Variants in MIS18A observed in about 807,000 individuals in gnomAD.
MIS18A encodes protein Mis18-alpha.
MIS18A carries 14 observed loss-of-function variants against 25.0 expected under a neutral mutation model. The observed-to-expected ratio is 0.56, with a 90% CI of 0.37 to 0.88. The LOEUF (loss-of-function observed/expected upper bound fraction) is 0.88, where lower values mean the gene tolerates loss of function less well. Ranked by LOEUF, MIS18A falls within the 40% of genes least tolerant of loss-of-function variation. The pLI is 0.00. For missense variants in MIS18A, 292 were observed against 290.8 expected, an observed-to-expected ratio of 1.00 and a Z score of -0.03; for synonymous variants, 134 against 118.6, an observed-to-expected ratio of 1.13 and a Z score of -0.84.
At chr21:32,175,144 G>A in the MIS18A span, among the ~76,000 whole-genome samples, 1 of 152,168 alleles carries the variant, frequency 6.6e-6, no homozygotes, top group East Asian at 1.9e-4. Flanking sequence ...TTACCAGACT[G>A]AATATTTTAG....
the MIS18A span, among the ~76,000 whole-genome samples, chr21:32,262,518 GT>G: frequency 1.3e-5 from 2 of 152,198 alleles, no homozygotes; most frequent in African/African-American, 4.8e-5. Context: ...AAACGTGAAA[GT>G]GACGACATCC....
the MIS18A span, among the ~76,000 whole-genome samples, chr21:32,223,371 T>C: frequency 2.6e-5 from 4 of 151,714 alleles, no homozygotes; most frequent in African/African-American, 9.7e-5. Context: ...ACAAAATAGA[T>C]GGAACGCCAG....
chr21:32,198,513 A>C, the MIS18A span, among the ~76,000 whole-genome samples: 1 of 152,220 alleles, frequency 6.6e-6, no homozygotes, highest in Non-Finnish European at 1.5e-5. Context: ...GGCAGGGTCC[A>C]TGCTGCCACC....
chr21:32,169,436 A>G, the MIS18A span, among the ~76,000 whole-genome samples: 2 of 152,294 alleles, frequency 1.3e-5, no homozygotes, highest in East Asian at 3.9e-4. Context: ...TGGCAAAACT[A>G]GTTGGGCCAA....
the MIS18A span, among the ~76,000 whole-genome samples, chr21:32,183,892 A>T: frequency 6.6e-6 from 1 of 152,236 alleles, no homozygotes; most frequent in Non-Finnish European, 1.5e-5. Context: ...CGCAGACAAT[A>T]TCAAACATGT....
At chr21:32,173,346 G>A in the MIS18A span, among the ~76,000 whole-genome samples, 1 of 152,180 alleles carries the variant, frequency 6.6e-6, no homozygotes, top group Non-Finnish European at 1.5e-5. Flanking sequence ...ATGCTGGTAG[G>A]ATTATAAAAT....
chr21:32,218,192 C>CAAAAAAAAAAAAAAAAAAAAAAA, the MIS18A span, among the ~76,000 whole-genome samples: 1 of 56,374 alleles, frequency 1.8e-5, no homozygotes. Flanking sequence ...GACTCCATCT[C>CAAAAAAAAAAAAAAAAAAAAAAA]AAAAAAAAAA....
the MIS18A span, among the ~76,000 whole-genome samples, chr21:32,174,839 A>G: frequency 6.6e-6 from 1 of 152,242 alleles, no homozygotes; most frequent in African/African-American, 2.4e-5. Flanking sequence ...TCAAGGACAC[A>G]TAAGATATTT....
At chr21:32,243,662 C>G in the MIS18A span, among the ~76,000 whole-genome samples, 1 of 151,986 alleles carries the variant, frequency 6.6e-6, no homozygotes, top group Non-Finnish European at 1.5e-5. Flanking sequence ...AGGGGTTTAC[C>G]CAAGAGAAAT....
the MIS18A span, among the ~76,000 whole-genome samples, chr21:32,203,241 A>G: frequency 6.6e-6 from 1 of 152,046 alleles, no homozygotes; most frequent in Non-Finnish European, 1.5e-5. Context: ...CTCCAGAAAG[A>G]AGGAATAGAA....
chr21:32,250,638 T>C, the MIS18A span, among the ~76,000 whole-genome samples: 1 of 152,200 alleles, frequency 6.6e-6, no homozygotes, highest in African/African-American at 2.4e-5. Flanking sequence ...CATAGGTGGA[T>C]TGGACAGATG....
chr21:32,202,414 C>A, the MIS18A span, among the ~76,000 whole-genome samples: 11 of 152,214 alleles, frequency 7.2e-5, no homozygotes, highest in Admixed American at 1.3e-4. Flanking sequence ...GAAACAAGCA[C>A]AAGATGCTAT....
At chr21:32,210,396 C>T in the MIS18A span, among the ~76,000 whole-genome samples, 1 of 152,166 alleles carries the variant, frequency 6.6e-6, no homozygotes, top group African/African-American at 2.4e-5. Flanking sequence ...GATTTGCACA[C>T]TTGGATACCT....
At chr21:32,232,225 A>G in the MIS18A span, among the ~76,000 whole-genome samples, 2 of 152,088 alleles carry the variant, frequency 1.3e-5, no homozygotes, top group Non-Finnish European at 1.5e-5. Context: ...CTATATATTC[A>G]GATATAGAGA....
chr21:32,256,271 G>A, the MIS18A span, among the ~76,000 whole-genome samples: 6 of 152,090 alleles, frequency 3.9e-5, 1 homozygote, highest in South Asian at 4.1e-4. Flanking sequence ...CTGCCTCGAA[G>A]TCTTTTTAAT....
the MIS18A span, among the ~76,000 whole-genome samples, chr21:32,178,094 A>G: frequency 6.6e-6 from 1 of 151,838 alleles, no homozygotes; most frequent in Admixed American, 6.6e-5. Context: ...AATTTTGTTT[A>G]TTTTTTGGAG....
the MIS18A span, among the ~76,000 whole-genome samples, chr21:32,207,154 G>A: frequency 1.6e-4 from 25 of 152,104 alleles, no homozygotes; most frequent in African/African-American, 5.8e-4. Flanking sequence ...ACCAGAATAC[G>A]AGGCGTGTTC....
the MIS18A span, among the ~76,000 whole-genome samples, chr21:32,164,485 T>A: frequency 6.6e-6 from 1 of 152,142 alleles, no homozygotes; most frequent in Non-Finnish European, 1.5e-5. Flanking sequence ...ATATAGTGTG[T>A]TACCCCTGTA....
the MIS18A span, among the ~76,000 whole-genome samples, chr21:32,164,769 T>C: frequency 6.6e-6 from 1 of 152,030 alleles, no homozygotes; most frequent in Non-Finnish European, 1.5e-5. Flanking sequence ...GCACACTCCA[T>C]TTAAAAAAAG....
Sources: gnomAD v4.1 joint callset for allele counts (sites outside exome capture counted in the v4.1 genomes callset) on GRCh38, gnomAD v4.1.1 for gene constraint, MANE v1.5 for transcripts, NCBI Gene and HGNC (gene_info 2026-07-23, HGNC 2026-07-21) for gene names.